Variants in CDH4 observed in about 807,000 individuals in gnomAD.
The protein encoded by CDH4 is cadherin-4.
A neutral mutation model predicts 86.0 loss-of-function variants in CDH4; 33 were observed. That is an observed-to-expected ratio of 0.38 (90% CI 0.29 to 0.51). CDH4 has a LOEUF of 0.51. CDH4 is among the 20% of genes least tolerant of loss of function. The pLI, the probability that CDH4 is intolerant of heterozygous loss-of-function variation, is 0.86. For missense variants in CDH4, 1,114 were observed against 1,307.4 expected (o/e 0.85, Z 2.28); for synonymous variants, 555 against 549.4 (o/e 1.01, Z -0.14).
At chr20:61,451,421 G>A (rs1364432911) in intron 2 of CDH4, among the ~76,000 whole-genome samples, 1 of 152,156 alleles carries the variant, frequency 6.6e-6, no homozygotes, top group East Asian at 1.9e-4. Flanking sequence ...CCTCAGTTTT[G>A]TAATCTGCAA....
At chr20:61,777,971 C>T (rs1005792247) in intron 4 of CDH4, among the ~76,000 whole-genome samples, 9 of 152,260 alleles carry the variant, frequency 5.9e-5, no homozygotes, top group Admixed American at 5.9e-4. Flanking sequence ...GCATACTATA[C>T]ACACATCCAC....
In CDH4 at chr20:61,895,024, C is replaced by T. The variant is rs1214075647; in HGVS notation, c.1165C>T (p.Pro389Ser). ...IITVTDVNDN[P>S]PEFTASTFAG... ...CACGGTGACAGATGTGAATGACAAC[C>T]CGCCAGAATTTACCGCCAGCACGGT... Residue 389 changes from proline (P) to serine (S), a missense_variant, in exon 8 of 16, where the codon CCG becomes TCG. Transcript: ENST00000614565. The T allele has an allele frequency of 3.1e-6, 5 of 1,613,738 alleles. No homozygotes were observed. Among genetic ancestry groups the T allele is most frequent in the Non-Finnish European group, 4.2e-6 (5 of 1,179,998 alleles).
Position 61,252,426 on chromosome 20 carries a change from AGCGGCGGCGGTGGTCTCG to A in CDH4, c.-77_-60del, listed in dbSNP as rs2084065386. 1.9e-6 allele frequency: 1 copy of A among 520,482 alleles called. No individual in the cohort carries two copies. The highest frequency in any genetic ancestry group is 2.4e-6 in the Non-Finnish European group (1 of 420,270). The allele number at this position is 520,482 out of a possible 1,614,324, so 32.2% of individuals were successfully genotyped here. Reference sequence around the variant, plus strand: ...GAGCGGCGGCGGCGGCGGCGATCGGAGCGGCGGCGGTGGTCTCGGCGGCGGCGGCGGCGGCGGCGGCAG... The same window carrying A: ...GAGCGGCGGCGGCGGCGGCGATCGGAGCGGCGGCGGCGGCGGCGGCGGCAG... On this transcript the variant is annotated 5_prime_UTR_variant, in exon 1 of 16. Transcript: ENST00000614565. This position sits in a 1 kb window ranked among gnomAD's most constrained non-coding sequence, Gnocchi z 4.4.
At chr20:61,890,217 G>A (rs540403825) in intron 7 of CDH4, among the ~76,000 whole-genome samples, 2 of 151,682 alleles carry the variant, frequency 1.3e-5, no homozygotes, top group East Asian at 3.9e-4. Context: ...ATGGATGTTG[G>A]ATGGGTGAGT....
At chr20:61,901,719 C>T (rs2054728974) in intron 8 of CDH4, among the ~76,000 whole-genome samples, 4 of 152,240 alleles carry the variant, frequency 2.6e-5, no homozygotes. Context: ...TAGGACCAGC[C>T]GGACGCTTCT....
chr20:61,728,860 C>G (rs1445303024), intron 2 of CDH4, among the ~76,000 whole-genome samples: 1 of 152,156 alleles, frequency 6.6e-6, no homozygotes, highest in Non-Finnish European at 1.5e-5. Flanking sequence ...ACTCTCACAG[C>G]CTTGAATGAG....
chr20:61,258,329 C>CAAAAAAAAA (rs778048684), intron 2 of CDH4, among the ~76,000 whole-genome samples: 1,401 of 61,420 alleles, frequency 0.023, 100 homozygotes, highest in Non-Finnish European at 0.026. Flanking sequence ...GACTCCGTCT[C>CAAAAAAAAA]AAAAAAAAAA....
At chr20:61,840,380 T>C (rs1269551553) in intron 4 of CDH4, among the ~76,000 whole-genome samples, 7 of 152,160 alleles carry the variant, frequency 4.6e-5, no homozygotes, top group Admixed American at 3.9e-4. Flanking sequence ...CAGGGTGACT[T>C]TTCTCCAGTT....
intron 2 of CDH4, among the ~76,000 whole-genome samples, chr20:61,678,001 G>A (rs2087464544): frequency 6.6e-6 from 1 of 152,072 alleles, no homozygotes; most frequent in South Asian, 2.1e-4. Flanking sequence ...ATAGATGGAT[G>A]ACAGAAGATA....
intron 2 of CDH4, among the ~76,000 whole-genome samples, chr20:61,587,995 C>T (rs1246311223): frequency 6.6e-6 from 1 of 152,092 alleles, no homozygotes; most frequent in Non-Finnish European, 1.5e-5. Context: ...TAAAAGTGTA[C>T]AGATTTGTTT....
At chr20:61,908,593 TGGC>T (rs1483973792) in intron 8 of CDH4, among the ~76,000 whole-genome samples, 1 of 152,244 alleles carries the variant, frequency 6.6e-6, no homozygotes, top group East Asian at 1.9e-4. Flanking sequence ...CGCGGTCTGC[TGGC>T]CGCCCGACGC....
At chr20:61,904,495 T>C (rs1776240) in intron 8 of CDH4, among the ~76,000 whole-genome samples, 145,140 of 152,248 alleles carry the variant, frequency 0.95, 69,218 homozygotes, top group East Asian at 1. Context: ...AAGTCAGCTT[T>C]GTCTGCACCG....
chr20:61,585,660 G>A (rs539917995), intron 2 of CDH4, among the ~76,000 whole-genome samples: 1 of 150,094 alleles, frequency 6.7e-6, no homozygotes, highest in African/African-American at 2.4e-5. Flanking sequence ...TGATGGTGAT[G>A]GTGATTGTGA....
chr20:61,666,382 G>A (rs553615915), intron 2 of CDH4, among the ~76,000 whole-genome samples: 9 of 152,346 alleles, frequency 5.9e-5, no homozygotes, highest in African/African-American at 1.7e-4. Context: ...GGGCCACTGC[G>A]TCCCTGCAGC....
At chr20:61,569,674 GC>G (rs2086327534) in intron 2 of CDH4, among the ~76,000 whole-genome samples, 1 of 151,760 alleles carries the variant, frequency 6.6e-6, no homozygotes, top group Non-Finnish European at 1.5e-5. Context: ...TTTGCCAACT[GC>G]CCCCCAAATT....
At chr20:61,737,076 A>G (rs6061778) in intron 2 of CDH4, among the ~76,000 whole-genome samples, 25,981 of 152,148 alleles carry the variant, frequency 0.17, 2,348 homozygotes, top group Non-Finnish European at 0.2. Flanking sequence ...GGTTTGCCTC[A>G]GCATTCGTTG....
chr20:61,264,092 C>T (rs559698501), intron 2 of CDH4, among the ~76,000 whole-genome samples: 4 of 152,274 alleles, frequency 2.6e-5, no homozygotes, highest in African/African-American at 7.2e-5. Context: ...TCACAGCCTC[C>T]GGAATTAGGA....
At chr20:61,424,114 A>C (rs1205188708) in intron 2 of CDH4, among the ~76,000 whole-genome samples, 1 of 150,436 alleles carries the variant, frequency 6.6e-6, no homozygotes, top group Non-Finnish European at 1.5e-5. Context: ...ATATACACAC[A>C]TAGCACACAT....
At chr20:61,916,109 C>A (rs974334774) in intron 9 of CDH4, among the ~76,000 whole-genome samples, 6 of 151,994 alleles carry the variant, frequency 3.9e-5, no homozygotes, top group Admixed American at 6.6e-5. Flanking sequence ...GAAAACATTT[C>A]CAAAATTGGT....
Sources: allele counts gnomAD v4.1 joint callset (sites outside exome capture counted in the v4.1 genomes callset), GRCh38; gene constraint gnomAD v4.1.1; non-coding constraint Gnocchi (gnomAD v3.1); transcripts MANE v1.5; gene names NCBI Gene and HGNC (gene_info 2026-07-23, HGNC 2026-07-21).